The following EIF3L variants were observed in gnomAD, a reference collection of about 807,000 sequenced individuals.
The protein encoded by EIF3L is eukaryotic translation initiation factor 3 subunit L.
EIF3L carries 32 observed loss-of-function variants against 74.6 expected under a neutral mutation model. The observed-to-expected ratio is 0.43, with a 90% CI of 0.32 to 0.58. The LOEUF is 0.58. EIF3L is among the 20% of genes least tolerant of loss of function. The pLI is 0.06. For missense variants in EIF3L, 474 were observed against 707.8 expected, an observed-to-expected ratio of 0.67 and a Z score of 3.75; for synonymous variants, 256 against 254.4, an observed-to-expected ratio of 1.01 and a Z score of -0.06.
At chr22:37,876,283 C>A in intron 10 of EIF3L, 15 of 283,450 alleles carry the variant, frequency 5.3e-5, no homozygotes, top group Middle Eastern at 1.1e-3. Context: ...GCGCACACAA[C>A]AACACCGGCT....
chr22:37,859,374 C>CTTTTTT lies in EIF3L; in HGVS notation c.435+650_435+655dup, dbSNP rs34020382. Among the ~76,000 whole-genome samples, 41 of 79,144 alleles carry CTTTTTT rather than the reference C, an allele frequency of 5.2e-4. 6 individuals carry two copies. The highest frequency in any genetic ancestry group is 1.4e-3 in the African/African-American group (25 of 17,626). The allele number at this position is 79,144 out of a possible 152,430, so 51.9% of individuals were successfully genotyped here. On this transcript the variant is annotated intron_variant, in intron 5 of 12. Transcript: ENST00000652021. ...CTAAATTATAGAGTACGTGAAGTTTCTTTTTTTTTTTTTTTTTTTTTGAGA... is the reference window on the plus strand; with the variant it reads ...CTAAATTATAGAGTACGTGAAGTTTCTTTTTTTTTTTTTTTTTTTTTTTTTTTGAGA...
intron 8 of EIF3L, among the ~76,000 whole-genome samples, chr22:37,872,873 A>G (rs1459289816): frequency 6.6e-6 from 1 of 152,112 alleles, no homozygotes; most frequent in South Asian, 2.1e-4. Flanking sequence ...TGTGTGAGCC[A>G]CTGTGCCCAA....
At chr22:37,888,190 C>T (rs1452882813) in intron 12 of EIF3L, 3 of 478,230 alleles carry the variant, frequency 6.3e-6, no homozygotes, top group Non-Finnish European at 3.7e-6. Flanking sequence ...ATGGATAGAG[C>T]AGTGTTGTGT....
chr22:37,855,525 G>A (rs575729536), intron 3 of EIF3L, 40 bp from the exon 4 acceptor site: 9 of 1,568,426 alleles, frequency 5.7e-6, no homozygotes, highest in African/African-American at 1.3e-5. Context: ...GCATTCTCCA[G>A]TCCTTTTGGA....
At position 37,863,049 on chromosome 22, in the gene EIF3L, G is replaced by A; in HGVS notation, c.505+11G>A. ...TCAACTACATTCTTAGTGAGTCTGA[G>A]ATTTGGCCAAGAGGGTGTGTGTGGT... is the stretch of plus-strand genomic sequence containing the variant. On this transcript the variant is annotated intron_variant, in intron 6 of 12. Transcript: ENST00000652021. 6.2e-7 allele frequency: 1 copy of A among 1,607,544 alleles called. No homozygotes were observed. Among genetic ancestry groups the A allele is most frequent in the Non-Finnish European group, 8.5e-7 (1 of 1,175,552 alleles).
chr22:37,872,621 A>C (rs1926533065), intron 8 of EIF3L, among the ~76,000 whole-genome samples: 1 of 152,004 alleles, frequency 6.6e-6, no homozygotes, highest in South Asian at 2.1e-4. Flanking sequence ...TAATAGCTTG[A>C]ATTTTTATTT....
chr22:37,853,690 T>G (rs1925348495), intron 3 of EIF3L, among the ~76,000 whole-genome samples: 1 of 152,198 alleles, frequency 6.6e-6, no homozygotes, highest in Admixed American at 6.5e-5. Context: ...AAGTGGAGAT[T>G]TATTTAAAAT....
intron 10 of EIF3L, chr22:37,876,960 T>G (rs902311495): frequency 6.6e-6 from 1 of 152,330 alleles, no homozygotes; most frequent in African/African-American, 2.4e-5. Flanking sequence ...ATTGGGTTAT[T>G]AGATTCTGAG....
chr22:37,888,690 A>G lies in EIF3L; in HGVS notation c.*226A>G, dbSNP rs1927446000. ...GGGTTGTGGCAGTAATACATTTCCC[A>G]TGTGTCCTGATGCTTTCAGGATACA... On this transcript the variant is annotated 3_prime_UTR_variant, in exon 13 of 13. Transcript: ENST00000652021. 1 of 561,380 alleles carries G rather than the reference A, an allele frequency of 1.8e-6. No homozygotes were observed. Among genetic ancestry groups the G allele is most frequent in the African/African-American group, 1.9e-5 (1 of 53,272 alleles). 34.8% of individuals were successfully genotyped at this position (561,380 alleles called of 1,614,324 possible).
At chr22:37,862,074 G>C (rs111354110) in intron 5 of EIF3L, among the ~76,000 whole-genome samples, 12 of 152,180 alleles carry the variant, frequency 7.9e-5, no homozygotes, top group African/African-American at 2.4e-4. Context: ...GGCCTCAGGT[G>C]ATCAGCCCAC....
At chr22:37,853,823 T>C (rs1175941636) in intron 3 of EIF3L, among the ~76,000 whole-genome samples, 1 of 152,222 alleles carries the variant, frequency 6.6e-6, no homozygotes. Flanking sequence ...TTAGATTTTA[T>C]AGAGTTTATG....
At chr22:37,863,934 A>G (rs1926003410) in intron 7 of EIF3L, among the ~76,000 whole-genome samples, 1 of 151,974 alleles carries the variant, frequency 6.6e-6, no homozygotes, top group Non-Finnish European at 1.5e-5. Context: ...GCGTGGTGGC[A>G]GGCGCCTGTA....
chr22:37,878,204 T>G, intron 11 of EIF3L, 33 bp downstream of exon 11: 1 of 1,556,026 alleles, frequency 6.4e-7, no homozygotes, highest in Non-Finnish European at 8.7e-7. Context: ...GGGTCTTGTA[T>G]TAAGTGTTCA....
chr22:37,871,316 G>A (rs1208643514), intron 8 of EIF3L: 2 of 152,108 alleles, frequency 1.3e-5, no homozygotes, highest in Non-Finnish European at 2.9e-5. Context: ...ACACCATGTA[G>A]TAGTATGTAT....
rs1265752077 is a variant in EIF3L, at chr22:37,889,300, C to T, written c.*836C>T. Reference sequence around the variant, plus strand: ...TTTCCTGACCTCGTGATCTGCCCATCTCTGCCTCCTAAAGTACTGGGATTA... The same window carrying T: ...TTTCCTGACCTCGTGATCTGCCCATTTCTGCCTCCTAAAGTACTGGGATTA... On this transcript the variant is annotated 3_prime_UTR_variant, in exon 13 of 13. Transcript: ENST00000652021. The T allele has an allele frequency of 6.6e-6, 1 of 152,202 alleles. No homozygotes were observed. The highest frequency in any genetic ancestry group is 2.4e-5 in the African/African-American group (1 of 41,446). The allele number at this position is 152,202 out of a possible 1,614,324, so 9.4% of individuals were successfully genotyped here.
chr22:37,885,959 G>A (rs1927295839), intron 11 of EIF3L: 1 of 151,736 alleles, frequency 6.6e-6, no homozygotes, highest in Non-Finnish European at 1.5e-5. Context: ...GGGAGGCCAA[G>A]ACGGGCGAAT....
intron 7 of EIF3L, among the ~76,000 whole-genome samples, chr22:37,869,563 G>A (rs1926362627): frequency 1.3e-5 from 2 of 152,146 alleles, no homozygotes; most frequent in Admixed American, 1.3e-4. Context: ...TGTTCCATCT[G>A]TGTGACTGCT....
intron 2 of EIF3L, 135 bp downstream of exon 2, chr22:37,850,198 C>G (rs1325384742): frequency 2.2e-6 from 2 of 903,530 alleles, no homozygotes; most frequent in Non-Finnish European, 3.6e-6. Context: ...GCTGCCAGTG[C>G]GAGGGGTTTT....
At chr22:37,857,548 TC>T (rs567075759) in intron 4 of EIF3L, among the ~76,000 whole-genome samples, 2 of 151,298 alleles carry the variant, frequency 1.3e-5, no homozygotes, top group African/African-American at 4.9e-5. Flanking sequence ...CTTTTTTTTT[TC>T]CCCCTAAGAT....
Sources: allele counts gnomAD v4.1 joint callset (sites outside exome capture counted in the v4.1 genomes callset), GRCh38; gene constraint gnomAD v4.1.1; transcripts MANE v1.5; gene names NCBI Gene and HGNC (gene_info 2026-07-23, HGNC 2026-07-21).